Variants in FARS2 observed in about 807,000 individuals in gnomAD.
FARS2 encodes the protein phenylalanyl-tRNA synthetase 2, mitochondrial, also known as phenylalanine--tRNA ligase, mitochondrial.
In FARS2, 40 loss-of-function variants were observed where a neutral mutation model predicts 46.4. The observed-to-expected ratio is 0.86, with a 90% confidence interval of 0.67 to 1.12. FARS2 has a LOEUF of 1.12. Among genes scored for constraint, FARS2 ranks in the 50% most tolerant of loss-of-function variants. The probability of loss-of-function intolerance (pLI) is 0.00; values close to 1 mark genes in which losing one functional copy is unlikely to be tolerated. For synonymous variants in FARS2, 234 were observed against 214.9 expected (o/e 1.09, Z -0.78); for missense variants, 513 against 567.9 (o/e 0.90, Z 0.98).
At chr6:5,309,070 A>G (rs984454626) in intron 1 of FARS2, among the ~76,000 whole-genome samples, 2 of 152,148 alleles carry the variant, frequency 1.3e-5, no homozygotes, top group African/African-American at 4.8e-5. Context: ...TCAATATATG[A>G]ATTTTGGGGG....
chr6:5,560,539 ATCT>A (rs959571339), intron 5 of FARS2, among the ~76,000 whole-genome samples: 1 of 152,060 alleles, frequency 6.6e-6, no homozygotes, highest in South Asian at 2.1e-4. Flanking sequence ...GTTTGTTACG[ATCT>A]TCTCAGGTTT....
At chr6:5,298,181 C>T (rs1228098598) in intron 1 of FARS2, among the ~76,000 whole-genome samples, 1 of 152,202 alleles carries the variant, frequency 6.6e-6, no homozygotes, top group African/African-American at 2.4e-5. Flanking sequence ...AATAGTGCTG[C>T]CCCTGGATGA....
In FARS2 at chr6:5,711,624, C is replaced by T. The variant is rs569201940; in HGVS notation, c.1218-59667C>T. On this transcript the variant is annotated intron_variant, in intron 6 of 6. Coordinates refer to ENST00000274680, the MANE Select transcript of FARS2 (RefSeq NM_006567.5). The stretch of plus-strand genomic sequence containing the variant: ...TCCACAAAAAAGAATCCCATAACCC[C>T]GGTCTAATCACAAGGGGAAAAAATA... Among the ~76,000 whole-genome samples the T allele has an allele frequency of 3.9e-5, 6 of 152,282 alleles. No homozygotes were observed. In the South Asian group the frequency reaches 6.2e-4, roughly 16 times the overall value.
At chr6:5,489,982 C>T (rs893142964) in intron 4 of FARS2, among the ~76,000 whole-genome samples, 22 of 152,076 alleles carry the variant, frequency 1.4e-4, no homozygotes, top group African/African-American at 5.3e-4. Flanking sequence ...TATATAGAGT[C>T]GCGTAGGCAC....
intron 4 of FARS2, among the ~76,000 whole-genome samples, chr6:5,531,218 C>A (rs937813350): frequency 6.6e-6 from 1 of 152,148 alleles, no homozygotes; most frequent in African/African-American, 2.4e-5. Flanking sequence ...CAGCCAGTCA[C>A]TGGAAAATGG....
chr6:5,703,363 A>G (rs1758556974), intron 6 of FARS2, among the ~76,000 whole-genome samples: 1 of 152,130 alleles, frequency 6.6e-6, no homozygotes, highest in Non-Finnish European at 1.5e-5. Flanking sequence ...ACATTATTTT[A>G]GAAAATAAGG....
chr6:5,752,886 G>T (rs540644680), intron 6 of FARS2, among the ~76,000 whole-genome samples: 7 of 152,126 alleles, frequency 4.6e-5, no homozygotes, highest in Non-Finnish European at 1.0e-4. Context: ...CCCCCCCCAG[G>T]TCTCTCTCCC....
intron 5 of FARS2, among the ~76,000 whole-genome samples, chr6:5,592,032 G>T (rs1773946857): frequency 6.6e-6 from 1 of 152,186 alleles, no homozygotes; most frequent in South Asian, 2.1e-4. Flanking sequence ...CAAAGTGTTT[G>T]CAGACAATAC....
chr6:5,694,739 C>T (rs1757985727), intron 6 of FARS2: 1 of 150,682 alleles, frequency 6.6e-6, no homozygotes, highest in Admixed American at 6.7e-5. Context: ...TGCAGTGGCT[C>T]ATACCTATAA....
chr6:5,261,025 G>A (rs1052098090), upstream of FARS2: 2 of 992,994 alleles, frequency 2.0e-6, no homozygotes, highest in East Asian at 6.3e-5. Context: ...CCGGAGGCTC[G>A]GGACCCAGCA....
intron 6 of FARS2, among the ~76,000 whole-genome samples, chr6:5,671,495 GT>G (rs1778457949): frequency 6.6e-6 from 1 of 152,200 alleles, no homozygotes; most frequent in Non-Finnish European, 1.5e-5. Context: ...GAACTATGGT[GT>G]TCAAGGTCAC....
rs1287669502 is a variant in FARS2 at position 5,727,528 on chromosome 6, T to C, written c.1218-43763T>C. 1.3e-5 allele frequency among the ~76,000 whole-genome samples: 2 copies of C among 152,202 alleles called. No individual in the cohort carries two copies. The highest frequency in any genetic ancestry group is 4.8e-5 in the African/African-American group (2 of 41,448). On this transcript the variant is annotated intron_variant, in intron 6 of 6. Coordinates refer to ENST00000274680, the MANE Select transcript of FARS2 (RefSeq NM_006567.5). The surrounding 1 kb of genome is among the most constrained non-coding windows in gnomAD (Gnocchi z 4.1). ...AAGAAAGTGCATTCCGCGGTCTCCATGTGGTCAGGACTTGGCTCTGTGAGT... is the reference window on the plus strand; with the variant it reads ...AAGAAAGTGCATTCCGCGGTCTCCACGTGGTCAGGACTTGGCTCTGTGAGT...
At chr6:5,340,822 C>T (rs1417685032) in intron 1 of FARS2, among the ~76,000 whole-genome samples, 1 of 151,800 alleles carries the variant, frequency 6.6e-6, no homozygotes. Flanking sequence ...GAACCATCTG[C>T]CTGGGGGCTT....
intron 6 of FARS2, among the ~76,000 whole-genome samples, chr6:5,651,661 A>G (rs1213345011): frequency 6.6e-6 from 1 of 152,162 alleles, no homozygotes; most frequent in East Asian, 1.9e-4. Context: ...AAACCTAATA[A>G]CAACCATTGC....
intron 6 of FARS2, among the ~76,000 whole-genome samples, chr6:5,752,193 A>T (rs1458205133): frequency 6.6e-6 from 1 of 152,252 alleles, no homozygotes; most frequent in Non-Finnish European, 1.5e-5. Flanking sequence ...CCCCATCAGA[A>T]ATCTGTGCAA....
chr6:5,682,782 A>G (rs988875620), intron 6 of FARS2, among the ~76,000 whole-genome samples: 2 of 152,264 alleles, frequency 1.3e-5, no homozygotes, highest in Non-Finnish European at 2.9e-5. Flanking sequence ...ATAAGTGAAT[A>G]AGTTCATCTG....
chr6:5,751,742 T>C (rs889015999), intron 6 of FARS2, among the ~76,000 whole-genome samples: 1 of 152,222 alleles, frequency 6.6e-6, no homozygotes, highest in Non-Finnish European at 1.5e-5. Flanking sequence ...ACAGTGACCC[T>C]GGACATGCCA....
intron 5 of FARS2, among the ~76,000 whole-genome samples, chr6:5,578,826 A>C (rs143803119): frequency 0.76 from 108,734 of 142,518 alleles, 41,911 homozygotes; most frequent in East Asian, 0.86. Flanking sequence ...AAAAAAAAAA[A>C]AAAAAAACAA....
intron 2 of FARS2, among the ~76,000 whole-genome samples, chr6:5,393,778 C>A (rs914435718): frequency 6.6e-6 from 1 of 152,200 alleles, no homozygotes; most frequent in South Asian, 2.1e-4. Flanking sequence ...CCTCTTTGAC[C>A]GTGGGTATTA....
Sources: allele counts gnomAD v4.1 joint callset (sites outside exome capture counted in the v4.1 genomes callset), GRCh38; gene constraint gnomAD v4.1.1; non-coding constraint Gnocchi (gnomAD v3.1); transcripts MANE v1.5; gene names NCBI Gene and HGNC (gene_info 2026-07-23, HGNC 2026-07-21).